The following PLSCR4 variants were observed in gnomAD, a reference collection of about 807,000 sequenced individuals.
The protein encoded by PLSCR4 is phospholipid scramblase 4.
Under a neutral mutation model 36.3 loss-of-function variants are expected in PLSCR4, and 25 were observed. That is an observed-to-expected ratio of 0.69 (90% confidence interval 0.50 to 0.96). The LOEUF (loss-of-function observed/expected upper bound fraction) is 0.96, where lower values mean the gene tolerates loss of function less well. Among genes scored for constraint, PLSCR4 ranks in the 40% least tolerant of loss-of-function variants. The pLI, the probability that PLSCR4 is intolerant of heterozygous loss-of-function variation, is 0.00. For missense variants in PLSCR4, 408 were observed against 414.7 expected (o/e 0.98, Z 0.14); for synonymous variants, 122 against 132.9 (o/e 0.92, Z 0.56).
At chr3:146,197,743 A>T (rs2033824341) in intron 6 of PLSCR4, among the ~76,000 whole-genome samples, 1 of 152,120 alleles carries the variant, frequency 6.6e-6, no homozygotes. Context: ...AATTTTATTG[A>T]CTATTTCTCT....
chr3:146,202,169 C>G (rs901846085), intron 4 of PLSCR4, among the ~76,000 whole-genome samples: 1 of 151,788 alleles, frequency 6.6e-6, no homozygotes, highest in South Asian at 2.1e-4. Context: ...ATAAATATGC[C>G]TCATAAAATA....
intron 3 of PLSCR4, among the ~76,000 whole-genome samples, chr3:146,208,599 T>C (rs1182887508): frequency 6.6e-6 from 1 of 151,892 alleles, no homozygotes; most frequent in East Asian, 1.9e-4. Context: ...AAAAGTGGGA[T>C]AAGGACATGA....
At chr3:146,224,136 G>C (rs2035321663) in intron 1 of PLSCR4, among the ~76,000 whole-genome samples, 1 of 151,840 alleles carries the variant, frequency 6.6e-6, no homozygotes, top group Non-Finnish European at 1.5e-5. Context: ...ACCTGGAAGT[G>C]ACTCTTGCAC....
chr3:146,213,999 TTTTG>T (rs975234978), intron 3 of PLSCR4, among the ~76,000 whole-genome samples: 67 of 152,224 alleles, frequency 4.4e-4, no homozygotes, highest in African/African-American at 1.5e-3. Flanking sequence ...GTTTTGTTGA[TTTTG>T]TTTATTGTTC....
chr3:146,229,409 A>G (rs2035606218), intron 1 of PLSCR4, among the ~76,000 whole-genome samples: 1 of 151,876 alleles, frequency 6.6e-6, no homozygotes, highest in South Asian at 2.1e-4. Flanking sequence ...GTATAATAAA[A>G]TCCCCATAAA....
intron 1 of PLSCR4, among the ~76,000 whole-genome samples, chr3:146,241,986 G>A (rs932921935): frequency 6.6e-6 from 1 of 152,174 alleles, no homozygotes; most frequent in African/African-American, 2.4e-5. Flanking sequence ...TTGATTTGAG[G>A]TTGTATTCTT....
intron 4 of PLSCR4, among the ~76,000 whole-genome samples, chr3:146,202,124 TTTTC>T (rs1188390956): frequency 6.6e-6 from 1 of 152,050 alleles, no homozygotes; most frequent in Non-Finnish European, 1.5e-5. Flanking sequence ...ATTAAAACCT[TTTTC>T]TTACATAAAA....
chr3:146,192,849 A>G lies in PLSCR4; in HGVS notation c.*1562T>C, dbSNP rs1427177593. ...AAAAAAAGCTAGTAGCAGCATGTAA[A>G]AATGAGCATTACGAGAAACTCAGAA... is the stretch of plus-strand genomic sequence containing the variant. On this transcript the variant is annotated 3_prime_UTR_variant, in exon 9 of 9. Transcript: ENST00000354952. 1 of 152,140 alleles carries G rather than the reference A, an allele frequency of 6.6e-6. No homozygotes were observed. The highest frequency in any genetic ancestry group is 2.4e-5 in the African/African-American group (1 of 41,446). The allele number at this position is 152,140 out of a possible 1,614,324, so 9.4% of individuals were successfully genotyped here. A position where few individuals can be genotyped will look rare whatever the true frequency, so the allele number is the denominator to read the frequency against.
intron 1 of PLSCR4, among the ~76,000 whole-genome samples, chr3:146,223,541 G>A (rs548002457): frequency 1.3e-5 from 2 of 152,060 alleles, no homozygotes; most frequent in African/African-American, 4.8e-5. Flanking sequence ...TGTCCAAGTG[G>A]AGTAAAAAAG....
intron 6 of PLSCR4, among the ~76,000 whole-genome samples, chr3:146,197,675 C>T (rs1474138050): frequency 6.6e-6 from 1 of 152,010 alleles, no homozygotes; most frequent in Non-Finnish European, 1.5e-5. Context: ...TTAAGATCTT[C>T]CTGTTTAATA....
chr3:146,227,880 G>A (rs1352605947), intron 1 of PLSCR4, among the ~76,000 whole-genome samples: 1 of 152,230 alleles, frequency 6.6e-6, no homozygotes. Context: ...TCCCTTTTGT[G>A]TTTATTATGT....
chr3:146,206,901 T>C, intron 3 of PLSCR4, 140 bp from the exon 4 acceptor site: 2 of 618,600 alleles, frequency 3.2e-6, no homozygotes, highest in Non-Finnish European at 5.7e-6. Flanking sequence ...TTTATGCAGA[T>C]CATGGTTGCA....
intron 4 of PLSCR4, among the ~76,000 whole-genome samples, chr3:146,204,559 G>C (rs1026304728): frequency 6.6e-6 from 1 of 151,742 alleles, no homozygotes; most frequent in Non-Finnish European, 1.5e-5. Context: ...TAAAAAACCA[G>C]GTTTGCCTGG....
chr3:146,225,564 C>T lies in PLSCR4; in HGVS notation c.-21-3472G>A, dbSNP rs559803329. On this transcript the variant is annotated intron_variant, in intron 1 of 8. Coordinates refer to ENST00000354952, the MANE Select transcript of PLSCR4 (RefSeq NM_020353.3). ...CTCAGGCATGGCAGGCAGCAGGTCC[C>T]GAGCCCCGCCCCGCAGGAAGGCAGC... is the stretch of plus-strand genomic sequence containing the variant. Among the ~76,000 whole-genome samples the T allele has an allele frequency of 8.5e-5, 13 of 152,298 alleles. No homozygotes were observed. The East Asian group carries it at 2.3e-3, about 27-fold the overall frequency.
In PLSCR4 at chr3:146,193,273, C is replaced by T. The variant is rs1398244725; in HGVS notation, c.*1138G>A. Reference sequence around the variant, plus strand: ...TTATTATTATTACTCTGTGTAGATACATATTTATCTATCATGTCAATAAAA... The same window carrying T: ...TTATTATTATTACTCTGTGTAGATATATATTTATCTATCATGTCAATAAAA... On this transcript the variant is annotated 3_prime_UTR_variant, in exon 9 of 9. Transcript: ENST00000354952. 33 of 151,304 alleles carry T rather than the reference C, an allele frequency of 2.2e-4. No homozygotes were observed. The highest frequency in any genetic ancestry group is 2.2e-3 in the Admixed American group (33 of 15,194). The allele number at this position is 151,304 out of a possible 1,614,324, so 9.4% of individuals were successfully genotyped here. A position where few individuals can be genotyped will look rare whatever the true frequency, so the allele number is the denominator to read the frequency against.
rs1358550797 is a variant in PLSCR4, at chr3:146,206,541, C to T, written c.339G>A (p.Leu113=). ...PTPMANCPPG[L]EYLVQLDNIH... ...CATGGAGTACCTGAACTAAGTATTC[C>T]AGACCAGGAGGGCAGTTTGCCATAG... The change falls in exon 4 of 9, where the codon CTG becomes CTA. Residue 113 remains leucine, a synonymous_variant. Transcript: ENST00000354952. 2 of 1,610,232 alleles carry T rather than the reference C, an allele frequency of 1.2e-6. No homozygotes were observed. The highest frequency in any genetic ancestry group is 1.3e-5 in the African/African-American group (1 of 74,790).
chr3:146,219,917 G>T (rs1351777217), intron 3 of PLSCR4, among the ~76,000 whole-genome samples: 1 of 151,930 alleles, frequency 6.6e-6, no homozygotes, highest in African/African-American at 2.4e-5. Flanking sequence ...TCCAGCCTGG[G>T]CAACAAGACT....
At position 146,247,120 on chromosome 3, in the gene PLSCR4, T is replaced by C. The variant is rs984903683; in HGVS notation, c.-22+3840A>G. Among the ~76,000 whole-genome samples the C allele has an allele frequency of 4.2e-4, 64 of 152,212 alleles. 1 individual carries two copies. Among genetic ancestry groups the C allele is most frequent in the Admixed American group, 9.2e-4 (14 of 15,288 alleles). On this transcript the variant is annotated intron_variant, in intron 1 of 8. Coordinates refer to ENST00000354952, the MANE Select transcript of PLSCR4 (RefSeq NM_020353.3). The stretch of plus-strand genomic sequence containing the variant: ...ATATAACCTCATTCTTTTTAATGGC[T>C]GCAACATAATGTATTTAACTGGCTG...
chr3:146,210,091 A>G (rs1174051873), intron 3 of PLSCR4, among the ~76,000 whole-genome samples: 1 of 152,104 alleles, frequency 6.6e-6, no homozygotes, highest in Non-Finnish European at 1.5e-5. Context: ...ACAGCCTCCC[A>G]TATACTTTAA....
Sources: allele counts gnomAD v4.1 joint callset (sites outside exome capture counted in the v4.1 genomes callset), GRCh38; gene constraint gnomAD v4.1.1; transcripts MANE v1.5; gene names NCBI Gene and HGNC (gene_info 2026-07-23, HGNC 2026-07-21).